Variants in OR9Q1 observed in about 807,000 individuals in gnomAD.
OR9Q1 encodes olfactory receptor 9Q1.
For synonymous variants in OR9Q1, 153 were observed against 148.6 expected, an observed-to-expected ratio of 1.03 and a Z score of -0.22; for missense variants, 374 against 378.8, an observed-to-expected ratio of 0.99 and a Z score of 0.11.
intron 2 of OR9Q1, among the ~76,000 whole-genome samples, chr11:58,156,436 A>G (rs1310889229): frequency 2.6e-5 from 4 of 152,316 alleles, no homozygotes; most frequent in African/African-American, 9.6e-5. Flanking sequence ...CTTCAAAACT[A>G]CTTTGTTAGT....
At chr11:58,094,379 A>G (rs953219231) in intron 2 of OR9Q1, among the ~76,000 whole-genome samples, 2 of 152,204 alleles carry the variant, frequency 1.3e-5, no homozygotes, top group Middle Eastern at 3.2e-3. Context: ...CCCCAATTTC[A>G]CTGCTACACA....
chr11:58,178,574 G>A lies in OR9Q1; in HGVS notation c.-14-857G>A, dbSNP rs1408944364. Among the ~76,000 whole-genome samples, 5 of 152,150 alleles carry A rather than the reference G, an allele frequency of 3.3e-5. 1 individual carries two copies. Among genetic ancestry groups the A allele is most frequent in the South Asian group, 4.1e-4 (2 of 4,822 alleles). ...GGATTTGATATCAGGGAGGAGTTGT[G>A]GTCACGGAGAAAAAGGGATAGAGTC... On this transcript the variant is annotated intron_variant, in intron 2 of 2. Transcript: ENST00000335397.
intron 2 of OR9Q1, among the ~76,000 whole-genome samples, chr11:58,061,253 C>T (rs916175021): frequency 1.3e-5 from 2 of 152,002 alleles, no homozygotes; most frequent in South Asian, 2.1e-4. Context: ...AGTCTTTGGC[C>T]CTATATTGGG....
intron 2 of OR9Q1, among the ~76,000 whole-genome samples, chr11:58,112,904 G>C (rs1033808962): frequency 3.9e-5 from 6 of 152,218 alleles, no homozygotes. Context: ...CACTGGTAGT[G>C]GTGGCTCACT....
At chr11:58,059,176 C>T (rs952809091) in intron 2 of OR9Q1, among the ~76,000 whole-genome samples, 6 of 152,108 alleles carry the variant, frequency 3.9e-5, no homozygotes, top group Non-Finnish European at 8.8e-5. Flanking sequence ...AGGAATGCAG[C>T]GGACTAAAGA....
intron 2 of OR9Q1, among the ~76,000 whole-genome samples, chr11:58,112,058 C>T (rs1269144790): frequency 6.6e-6 from 1 of 152,038 alleles, no homozygotes; most frequent in African/African-American, 2.4e-5. Flanking sequence ...GAGGCAGAGG[C>T]AGGTGGATCA....
chr11:58,180,013 G>A lies in OR9Q1; in HGVS notation c.569G>A (p.Gly190Glu), dbSNP rs1854647252. Residue 190 changes from glycine to glutamate, a missense_variant, in exon 3 of 3, where the codon GGG (glycine) becomes GAG (glutamate). By Grantham distance (98) the Gly-to-Glu change is moderately conservative. Transcript: ENST00000335397. ...DLPPLLKLTC[G>E]ESYTQEVLII... is the part of the protein sequence containing the mutation. ...CCTCCTCTGTTAAAGTTGACCTGTG[G>A]GGAGAGCTACACTCAAGAAGTGCTG... 4 of 1,613,924 alleles carry A rather than the reference G, an allele frequency of 2.5e-6. No individual in the cohort carries two copies. In the East Asian group the frequency reaches 6.7e-5, roughly 27 times the overall value.
intron 2 of OR9Q1, among the ~76,000 whole-genome samples, chr11:58,123,894 T>G (rs1178626998): frequency 6.6e-6 from 1 of 152,214 alleles, no homozygotes; most frequent in Non-Finnish European, 1.5e-5. Flanking sequence ...TCTTTTTCTT[T>G]CTTTATAACT....
At chr11:58,109,392 T>A (rs1307659166) in intron 2 of OR9Q1, 1 of 458,854 alleles carries the variant, frequency 2.2e-6, no homozygotes, top group Non-Finnish European at 4.4e-6. Flanking sequence ...AGGAGATAAC[T>A]GTCTTGTCTG....
At chr11:58,125,579 G>C (rs1001091220) in intron 2 of OR9Q1, 1 of 152,152 alleles carries the variant, frequency 6.6e-6, no homozygotes, top group East Asian at 1.9e-4. Flanking sequence ...AAGCAAACCA[G>C]TGGGATATTT....
chr11:58,068,345 CAAAAAGAAAAAAA>C (rs964815692), intron 2 of OR9Q1, among the ~76,000 whole-genome samples: 1 of 119,980 alleles, frequency 8.3e-6, no homozygotes, highest in African/African-American at 3.2e-5. Context: ...GACTCTGTCT[CAAAAAGAAAAAAA>C]AAAAAGAAAA....
intron 2 of OR9Q1, among the ~76,000 whole-genome samples, chr11:58,131,679 T>C (rs1854142828): frequency 6.6e-6 from 1 of 151,974 alleles, no homozygotes; most frequent in Admixed American, 6.6e-5. Context: ...TACGGCAAGA[T>C]TGGGGGTTAG....
chr11:58,118,404 G>A, intron 2 of OR9Q1: 1 of 783,570 alleles, frequency 1.3e-6, no homozygotes, highest in Non-Finnish European at 2.1e-6. Flanking sequence ...TGTCTTCTCT[G>A]TTTGTGGGTA....
intron 2 of OR9Q1, among the ~76,000 whole-genome samples, chr11:58,148,282 T>A (rs1278231803): frequency 6.6e-6 from 1 of 152,050 alleles, no homozygotes. Flanking sequence ...ATACAACACG[T>A]AATCTAGGGC....
At chr11:58,053,517 G>GT (rs1490389275) in intron 1 of OR9Q1, among the ~76,000 whole-genome samples, 3 of 144,026 alleles carry the variant, frequency 2.1e-5, no homozygotes, top group Non-Finnish European at 3.0e-5. Flanking sequence ...GTTAATGGGT[G>GT]CAGCACACCA....
intron 2 of OR9Q1, chr11:58,144,402 C>T (rs1854280062): frequency 1.3e-5 from 2 of 151,882 alleles, no homozygotes; most frequent in Non-Finnish European, 2.9e-5. Flanking sequence ...CCATGGAATA[C>T]TATGCAGCCA....
intron 2 of OR9Q1, among the ~76,000 whole-genome samples, chr11:58,146,355 A>G (rs1385622204): frequency 6.6e-6 from 1 of 152,232 alleles, no homozygotes; most frequent in East Asian, 1.9e-4. Flanking sequence ...CTCATCTGCT[A>G]GAAATATTAC....
At chr11:58,097,613 G>A (rs1853744068) in intron 2 of OR9Q1, among the ~76,000 whole-genome samples, 2 of 152,150 alleles carry the variant, frequency 1.3e-5, no homozygotes, top group South Asian at 4.1e-4. Context: ...ATTTGCTCAA[G>A]ACAAATAAGA....
chr11:58,044,758 T>G (rs948940595), intron 1 of OR9Q1: 1 of 116,858 alleles, frequency 8.6e-6, no homozygotes, highest in African/African-American at 3.1e-5. Flanking sequence ...GGATTTCGAG[T>G]GTGGTGGGAA....
Sources: allele counts gnomAD v4.1 joint callset (sites outside exome capture counted in the v4.1 genomes callset), GRCh38; gene constraint gnomAD v4.1.1; transcripts MANE v1.5; gene names NCBI Gene and HGNC (gene_info 2026-07-23, HGNC 2026-07-21).